CSMD1: variants seen among roughly 807,000 people sequenced by gnomAD.
CSMD1 encodes CUB and sushi domain-containing protein 1.
Under a neutral mutation model 417.5 loss-of-function variants are expected in CSMD1, and 213 were observed. The observed-to-expected ratio is 0.51, with a 90% CI of 0.46 to 0.57. The LOEUF is 0.57. Ranked by LOEUF, CSMD1 falls within the 20% of genes least tolerant of loss-of-function variation. CSMD1 has a pLI of 0.00. For missense variants in CSMD1, 6,923 were observed against 4,529.7 expected, an observed-to-expected ratio of 1.53 and a Z score of -15.17; for synonymous variants, 2,862 against 1,736.8, an observed-to-expected ratio of 1.65 and a Z score of -16.11.
intron 3 of CSMD1, among the ~76,000 whole-genome samples, chr8:4,215,986 G>C (rs1426552433): frequency 1.3e-5 from 2 of 152,190 alleles, no homozygotes; most frequent in East Asian, 1.9e-4. Context: ...TAAACTCAGA[G>C]AGTGGTGCCC....
At chr8:4,727,481 G>C (rs1429999975) in intron 1 of CSMD1, among the ~76,000 whole-genome samples, 1 of 152,212 alleles carries the variant, frequency 6.6e-6, no homozygotes, top group Non-Finnish European at 1.5e-5. Context: ...TAAAGAGAGA[G>C]AATGATTTGG....
intron 5 of CSMD1, among the ~76,000 whole-genome samples, chr8:3,987,894 T>C (rs536377721): frequency 1.9e-4 from 29 of 152,316 alleles, no homozygotes; most frequent in African/African-American, 6.0e-4. Flanking sequence ...TTGCAACATC[T>C]TCTACCTGAT....
chr8:4,019,330 G>T (rs946495304), intron 4 of CSMD1, among the ~76,000 whole-genome samples: 1 of 152,278 alleles, frequency 6.6e-6, no homozygotes, highest in African/African-American at 2.4e-5. Context: ...TCTCTCTCTT[G>T]CTTATCTGGG....
chr8:4,551,165 T>C (rs1163687989), intron 2 of CSMD1, among the ~76,000 whole-genome samples: 2 of 152,152 alleles, frequency 1.3e-5, no homozygotes, highest in African/African-American at 4.8e-5. Flanking sequence ...CCTGTGTATC[T>C]TACCTTCCAC....
chr8:4,459,808 A>G (rs1799699699), intron 2 of CSMD1, among the ~76,000 whole-genome samples: 1 of 152,178 alleles, frequency 6.6e-6, no homozygotes, highest in South Asian at 2.1e-4. Context: ...AAACCATACA[A>G]TTTGTGGTAC....
At chr8:3,531,225 A>G (rs1031194230) in intron 10 of CSMD1, among the ~76,000 whole-genome samples, 1 of 152,158 alleles carries the variant, frequency 6.6e-6, no homozygotes, top group Non-Finnish European at 1.5e-5. Context: ...AACCTAAAAT[A>G]ACTTTTCAGG....
At chr8:4,383,404 C>A (rs2128919918) in intron 3 of CSMD1, among the ~76,000 whole-genome samples, 1 of 152,268 alleles carries the variant, frequency 6.6e-6, no homozygotes, top group East Asian at 1.9e-4. Flanking sequence ...TTACTACATG[C>A]CTTGCCTCAT....
intron 3 of CSMD1, among the ~76,000 whole-genome samples, chr8:4,317,385 C>G (rs900957050): frequency 3.3e-5 from 5 of 152,074 alleles, no homozygotes; most frequent in African/African-American, 9.7e-5. Context: ...TTCATTCTAC[C>G]CTGCTGTAAA....
intron 5 of CSMD1, among the ~76,000 whole-genome samples, chr8:3,755,728 T>C (rs1041493266): frequency 1.3e-5 from 2 of 152,136 alleles, no homozygotes; most frequent in Non-Finnish European, 2.9e-5. Flanking sequence ...GGTTTAAAAA[T>C]GTACAGGATC....
At chr8:4,053,217 TAAC>T (rs1798524246) in intron 3 of CSMD1, among the ~76,000 whole-genome samples, 1 of 152,200 alleles carries the variant, frequency 6.6e-6, no homozygotes, top group East Asian at 1.9e-4. Flanking sequence ...AAAAAGTCAC[TAAC>T]AACAGCACCG....
chr8:3,720,364 T>C (rs1161437982), intron 6 of CSMD1, among the ~76,000 whole-genome samples: 1 of 152,204 alleles, frequency 6.6e-6, no homozygotes, highest in Non-Finnish European at 1.5e-5. Flanking sequence ...TGATACTGCT[T>C]CTGCCTTTTC....
chr8:3,912,817 T>C (rs1047160021), intron 5 of CSMD1, among the ~76,000 whole-genome samples: 1 of 152,126 alleles, frequency 6.6e-6, no homozygotes, highest in Non-Finnish European at 1.5e-5. Context: ...ATGGTAGGAT[T>C]TTATGATTTA....
intron 8 of CSMD1, among the ~76,000 whole-genome samples, chr8:3,593,027 G>A (rs1800926768): frequency 1.3e-5 from 2 of 152,206 alleles, no homozygotes; most frequent in African/African-American, 4.8e-5. Context: ...TTGGATATAG[G>A]CAGGAGAGGC....
At chr8:3,259,594 G>C (rs527525102) in intron 26 of CSMD1, among the ~76,000 whole-genome samples, 2 of 152,208 alleles carry the variant, frequency 1.3e-5, no homozygotes, top group South Asian at 4.2e-4. Context: ...AACATGATGT[G>C]TCTTTTCTCA....
At chr8:4,568,548 T>C (rs1166596811) in intron 2 of CSMD1, among the ~76,000 whole-genome samples, 2 of 152,096 alleles carry the variant, frequency 1.3e-5, no homozygotes, top group African/African-American at 4.8e-5. Flanking sequence ...GATTCCAAGG[T>C]TTTTCTATAC....
chr8:3,767,670 A>T (rs1217015503), intron 5 of CSMD1, among the ~76,000 whole-genome samples: 1 of 152,230 alleles, frequency 6.6e-6, no homozygotes. Context: ...ATGGTATACA[A>T]GTAATACCTA....
At chr8:4,109,523 G>A (rs939953253) in intron 3 of CSMD1, among the ~76,000 whole-genome samples, 1 of 152,112 alleles carries the variant, frequency 6.6e-6, no homozygotes, top group African/African-American at 2.4e-5. Flanking sequence ...CTTATTGTCA[G>A]TAGTCACTGA....
At chr8:4,460,133 A>G (rs1799723383) in intron 2 of CSMD1, among the ~76,000 whole-genome samples, 1 of 152,206 alleles carries the variant, frequency 6.6e-6, no homozygotes, top group Non-Finnish European at 1.5e-5. Flanking sequence ...CTTTCAGTTT[A>G]TTTAAAATGA....
intron 7 of CSMD1, among the ~76,000 whole-genome samples, chr8:3,643,339 A>C (rs944398813): frequency 6.6e-6 from 1 of 152,160 alleles, no homozygotes; most frequent in African/African-American, 2.4e-5. Context: ...GAGAAAAAGC[A>C]GAATCACTGA....
Sources: gnomAD v4.1 joint callset for allele counts (sites outside exome capture counted in the v4.1 genomes callset) on GRCh38, gnomAD v4.1.1 for gene constraint, MANE v1.5 for transcripts, NCBI Gene and HGNC (gene_info 2026-07-23, HGNC 2026-07-21) for gene names.